BMPR2: variants seen among roughly 807,000 people sequenced by gnomAD.
BMPR2 encodes the protein bone morphogenetic protein receptor type 2, also known as bone morphogenetic protein receptor type-2.
BMPR2 carries 29 observed loss-of-function variants against 100.8 expected under a neutral mutation model. That is an observed-to-expected ratio of 0.29 (90% CI 0.21 to 0.39). The LOEUF is 0.39. Among genes scored for constraint, BMPR2 ranks in the 10% least tolerant of loss-of-function variants. The probability of loss-of-function intolerance (pLI) is 1.00; values close to 1 mark genes in which losing one functional copy is unlikely to be tolerated. For missense variants in BMPR2, 1,011 were observed against 1,274.5 expected (o/e 0.79, Z 3.15); for synonymous variants, 382 against 442.3 (o/e 0.86, Z 1.71).
At chr2:202,435,174 A>G (rs986480833) in intron 1 of BMPR2, among the ~76,000 whole-genome samples, 3 of 145,254 alleles carry the variant, frequency 2.1e-5, no homozygotes, top group East Asian at 2.0e-4. Context: ...AGCCTGGCCA[A>G]GATGGTGAAA....
At chr2:202,536,060 C>T (rs906462831) in intron 9 of BMPR2, among the ~76,000 whole-genome samples, 10 of 151,822 alleles carry the variant, frequency 6.6e-5, no homozygotes, top group Non-Finnish European at 1.3e-4. Flanking sequence ...AGAGGGAGAC[C>T]GTGGAAAGAG....
intron 3 of BMPR2, among the ~76,000 whole-genome samples, chr2:202,482,730 A>G (rs1692685129): frequency 6.6e-6 from 1 of 152,086 alleles, no homozygotes; most frequent in African/African-American, 2.4e-5. Context: ...TAGTAGAGAC[A>G]GGGTATCACC....
At chr2:202,421,675 G>C (rs948324677) in intron 1 of BMPR2, among the ~76,000 whole-genome samples, 6 of 150,684 alleles carry the variant, frequency 4.0e-5, no homozygotes, top group African/African-American at 1.5e-4. Flanking sequence ...GAAGTAGGGA[G>C]GTGAATGGAA....
In BMPR2 at chr2:202,521,284, C is replaced by T. The variant is rs183437311; in HGVS notation, c.967+1083C>T. 4.6e-5 allele frequency among the ~76,000 whole-genome samples: 7 copies of T among 152,252 alleles called. No individual in the cohort carries two copies. In the East Asian group the frequency reaches 1.2e-3, roughly 25 times the overall value. ...TACTTCAGTTGGAATATTGGCAGCC[C>T]GGGCGTGATTGATGGCTCATGCCTG... On this transcript the variant is annotated intron_variant, in intron 7 of 12. Transcript: ENST00000374580.
intron 3 of BMPR2, among the ~76,000 whole-genome samples, chr2:202,468,300 G>C (rs948694836): frequency 6.6e-6 from 1 of 152,044 alleles, no homozygotes; most frequent in Non-Finnish European, 1.5e-5. Flanking sequence ...AACATAGTGA[G>C]ATCCCATCTC....
rs566437217 is a variant in BMPR2 at position 202,565,694 on chromosome 2, A to T, written c.*5748A>T. 1 of 152,718 alleles carries T rather than the reference A, an allele frequency of 6.5e-6. No individual in the cohort carries two copies. The highest frequency in any genetic ancestry group is 2.1e-4 in the South Asian group (1 of 4,832). 9.5% of individuals were successfully genotyped at this position (152,718 alleles called of 1,614,324 possible). ...AATATTAAACACTAAATGCAAGATT[A>T]ACTTTCAAAAGCAAACCCTACATTA... is the stretch of plus-strand genomic sequence containing the variant. On this transcript the variant is annotated 3_prime_UTR_variant, in exon 13 of 13. Coordinates refer to ENST00000374580, the MANE Select transcript of BMPR2 (RefSeq NM_001204.7).
At chr2:202,468,367 AT>A (rs1421985944) in intron 3 of BMPR2, among the ~76,000 whole-genome samples, 1 of 152,086 alleles carries the variant, frequency 6.6e-6, no homozygotes, top group Non-Finnish European at 1.5e-5. Flanking sequence ...TAGTTCAGCT[AT>A]TTGGGAGGCT....
intron 5 of BMPR2, among the ~76,000 whole-genome samples, chr2:202,515,628 G>A (rs1265744216): frequency 2.6e-5 from 4 of 151,742 alleles, no homozygotes; most frequent in African/African-American, 2.4e-5. Flanking sequence ...AGTGGCTCAC[G>A]CCTGTAATCC....
At position 202,376,732 on chromosome 2, in the gene BMPR2, C is replaced by G. The variant is rs999004147; in HGVS notation, c.-743C>G. On this transcript the variant is annotated 5_prime_UTR_variant, in exon 1 of 13. Transcript: ENST00000374580. ...AGCCTCTCACACCCACTCCGCCTGC[C>G]GTCTCGGGGAGCCCGGACCGGGGCC... Among the ~76,000 whole-genome samples, 4 of 150,738 alleles carry G rather than the reference C, an allele frequency of 2.7e-5. No homozygotes were observed. The highest frequency in any genetic ancestry group is 6.6e-5 in the Admixed American group (1 of 15,072).
At chr2:202,552,131 G>A (rs1688490288) in intron 10 of BMPR2, among the ~76,000 whole-genome samples, 1 of 152,116 alleles carries the variant, frequency 6.6e-6, no homozygotes, top group African/African-American at 2.4e-5. Context: ...GGGATTACAG[G>A]TGTGAACCAC....
intron 3 of BMPR2, among the ~76,000 whole-genome samples, chr2:202,510,065 G>T (rs900673422): frequency 1.3e-5 from 2 of 152,138 alleles, no homozygotes; most frequent in African/African-American, 4.8e-5. Context: ...ATTTGGATGT[G>T]GCAAAACTTT....
chr2:202,413,677 T>C (rs1010929278), intron 1 of BMPR2, among the ~76,000 whole-genome samples: 5 of 152,016 alleles, frequency 3.3e-5, no homozygotes, highest in Admixed American at 1.3e-4. Context: ...ATTACTTTTT[T>C]TTTTTGAGAT....
chr2:202,493,514 G>A (rs1692954949), intron 3 of BMPR2, among the ~76,000 whole-genome samples: 1 of 151,994 alleles, frequency 6.6e-6, no homozygotes, highest in African/African-American at 2.4e-5. Context: ...AAAATTCCTA[G>A]TCTGTTTACT....
intron 9 of BMPR2, among the ~76,000 whole-genome samples, chr2:202,540,421 T>A (rs1688249697): frequency 1.3e-5 from 2 of 152,214 alleles, no homozygotes; most frequent in Admixed American, 1.3e-4. Context: ...CCTTTAATTT[T>A]ATCTCTCAAG....
At chr2:202,422,067 C>A (rs560546047) in intron 1 of BMPR2, among the ~76,000 whole-genome samples, 1 of 152,124 alleles carries the variant, frequency 6.6e-6, no homozygotes, top group South Asian at 2.1e-4. Context: ...AACCACCACA[C>A]CCAGCTAATT....
intron 10 of BMPR2, among the ~76,000 whole-genome samples, chr2:202,547,781 CAAA>C (rs373601864): frequency 7.0e-5 from 4 of 56,896 alleles, no homozygotes; most frequent in African/African-American, 1.5e-4. Context: ...AGATCCATCA[CAAA>C]AAAAAAAAAA....
intron 1 of BMPR2, among the ~76,000 whole-genome samples, chr2:202,437,155 G>A (rs549338835): frequency 4.0e-5 from 6 of 150,306 alleles, no homozygotes; most frequent in African/African-American, 1.0e-4. Context: ...ACAGGCGGGC[G>A]CCACCACGCC....
chr2:202,387,766 C>G (rs1353563102), intron 1 of BMPR2, among the ~76,000 whole-genome samples: 2 of 152,130 alleles, frequency 1.3e-5, no homozygotes, highest in African/African-American at 4.8e-5. Context: ...GTTGAGGTTA[C>G]ATTTTTAATG....
intron 3 of BMPR2, among the ~76,000 whole-genome samples, chr2:202,497,090 A>G (rs1390535212): frequency 6.6e-6 from 1 of 152,242 alleles, no homozygotes; most frequent in Non-Finnish European, 1.5e-5. Context: ...GTCCCCCAGC[A>G]GTGCCAGCCA....
Sources: allele counts gnomAD v4.1 joint callset (sites outside exome capture counted in the v4.1 genomes callset), GRCh38; gene constraint gnomAD v4.1.1; transcripts MANE v1.5; gene names NCBI Gene and HGNC (gene_info 2026-07-23, HGNC 2026-07-21).